The following FAF1 variants were observed in gnomAD, a reference collection of about 807,000 sequenced individuals.
The protein encoded by FAF1 is Fas associated factor 1.
A neutral mutation model predicts 92.5 loss-of-function variants in FAF1; 25 were observed. That is an observed-to-expected ratio of 0.27 (90% CI 0.20 to 0.38). The LOEUF is 0.38. FAF1 is among the 10% of genes least tolerant of loss of function. The pLI, the probability that FAF1 is intolerant of heterozygous loss-of-function variation, is 1.00. For missense variants in FAF1, 636 were observed against 793.3 expected (o/e 0.80, Z 2.38); for synonymous variants, 234 against 273.2 (o/e 0.86, Z 1.42).
At chr1:50,907,339 C>A (rs1040382366) in intron 1 of FAF1, among the ~76,000 whole-genome samples, 1 of 152,154 alleles carries the variant, frequency 6.6e-6, no homozygotes, top group Non-Finnish European at 1.5e-5. Flanking sequence ...GTCTAAAATT[C>A]TCTTTTTTGG....
intron 15 of FAF1, among the ~76,000 whole-genome samples, chr1:50,514,304 A>G (rs1175821888): frequency 6.6e-6 from 1 of 152,214 alleles, no homozygotes; most frequent in East Asian, 1.9e-4. Context: ...AGATTTTTAA[A>G]AAATGAACAC....
At chr1:50,574,896 C>CTGT (rs1558000811) in intron 12 of FAF1, among the ~76,000 whole-genome samples, 13 of 122,912 alleles carry the variant, frequency 1.1e-4, no homozygotes, top group African/African-American at 3.9e-4. Context: ...GTTGTATTAA[C>CTGT]TCTTTTTTTT....
chr1:50,647,140 T>C (rs755894459), intron 8 of FAF1, among the ~76,000 whole-genome samples: 12 of 152,136 alleles, frequency 7.9e-5, no homozygotes, highest in Non-Finnish European at 1.5e-4. Flanking sequence ...TGAGCCACCA[T>C]GCCCAGCCTA....
At chr1:50,885,876 C>A (rs1021496622) in intron 1 of FAF1, among the ~76,000 whole-genome samples, 1 of 151,794 alleles carries the variant, frequency 6.6e-6, no homozygotes, top group African/African-American at 2.4e-5. Flanking sequence ...TGGAGGTTAC[C>A]ACGAGGCTTC....
intron 1 of FAF1, among the ~76,000 whole-genome samples, chr1:50,923,582 G>C (rs984095279): frequency 1.3e-5 from 2 of 151,770 alleles, no homozygotes; most frequent in African/African-American, 4.8e-5. Flanking sequence ...CCTTCTATGA[G>C]ACAGCATTAC....
At chr1:50,628,200 AG>A (rs1392877247) in intron 8 of FAF1, among the ~76,000 whole-genome samples, 2 of 152,228 alleles carry the variant, frequency 1.3e-5, no homozygotes, top group Non-Finnish European at 2.9e-5. Context: ...ATGAGATCAA[AG>A]AAAAAATATA....
intron 15 of FAF1, among the ~76,000 whole-genome samples, chr1:50,534,838 A>C (rs1648387386): frequency 6.6e-6 from 1 of 152,178 alleles, no homozygotes; most frequent in Non-Finnish European, 1.5e-5. Flanking sequence ...TTCTATGTTC[A>C]TGTTATCTAT....
chr1:50,457,724 C>CAAA lies in FAF1; in HGVS notation c.1870-16204_1870-16202dup, dbSNP rs35479561. Among the ~76,000 whole-genome samples the CAAA allele has an allele frequency of 8.1e-3, 458 of 56,298 alleles. 17 individuals are homozygous for CAAA. The highest frequency in any genetic ancestry group is 0.03 in the African/African-American group (312 of 10,408). 36.9% of individuals were successfully genotyped at this position (56,298 alleles called of 152,430 possible). The stretch of plus-strand genomic sequence containing the variant: ...GCAATTCGGTGAAACCCCATCTCTG[C>CAAA]AAAAAAAAAAAAAAAAAAAAAATAC... On this transcript the variant is annotated intron_variant, in intron 18 of 18. Coordinates refer to ENST00000396153, the MANE Select transcript of FAF1 (RefSeq NM_007051.3).
intron 15 of FAF1, among the ~76,000 whole-genome samples, chr1:50,511,330 T>C (rs1647131163): frequency 6.6e-6 from 1 of 152,220 alleles, no homozygotes; most frequent in African/African-American, 2.4e-5. Flanking sequence ...CATGCCATTG[T>C]GGGTTGCTGC....
At chr1:50,496,524 C>T (rs1360317077) in intron 15 of FAF1, among the ~76,000 whole-genome samples, 1 of 152,096 alleles carries the variant, frequency 6.6e-6, no homozygotes, top group Admixed American at 6.5e-5. Flanking sequence ...GTAGGTTATC[C>T]ATCTTGATAA....
At chr1:50,796,905 G>A (rs556749537) in intron 3 of FAF1, among the ~76,000 whole-genome samples, 31 of 152,266 alleles carry the variant, frequency 2.0e-4, no homozygotes, top group African/African-American at 7.0e-4. Context: ...CGAGGCAGGA[G>A]GATCACTTGT....
chr1:50,941,190 G>A lies in FAF1; in HGVS notation c.45+18577C>T, dbSNP rs184095016. ...GGGACTTACAGGTGCGCGCTGCCAC[G>A]CTCAACTTTTTGTTTTGTTTTGTTT... On this transcript the variant is annotated intron_variant, in intron 1 of 18. Transcript: ENST00000396153. 8.6e-5 allele frequency among the ~76,000 whole-genome samples: 13 copies of A among 151,836 alleles called. No homozygotes were observed. The South Asian group carries it at 2.1e-3, about 24-fold the overall frequency.
chr1:50,529,857 A>C (rs1461717680), intron 15 of FAF1, among the ~76,000 whole-genome samples: 1 of 152,204 alleles, frequency 6.6e-6, no homozygotes, highest in Non-Finnish European at 1.5e-5. Context: ...AAGCTCAATA[A>C]ATATTTATGA....
intron 13 of FAF1, among the ~76,000 whole-genome samples, chr1:50,562,617 A>C (rs1033676439): frequency 6.6e-6 from 1 of 152,238 alleles, no homozygotes; most frequent in Non-Finnish European, 1.5e-5. Flanking sequence ...CCTTGGGTAC[A>C]GCAACTCTGT....
At chr1:50,957,080 C>T (rs771398233) in intron 1 of FAF1, among the ~76,000 whole-genome samples, 1 of 152,114 alleles carries the variant, frequency 6.6e-6, no homozygotes, top group African/African-American at 2.4e-5. Context: ...TTTACTAAGA[C>T]GATCATTTGT....
intron 18 of FAF1, among the ~76,000 whole-genome samples, chr1:50,458,643 G>A (rs896043236): frequency 2.0e-5 from 3 of 152,128 alleles, no homozygotes; most frequent in African/African-American, 7.2e-5. Context: ...CTGGTCAGAC[G>A]CATACAATGA....
chr1:50,921,859 G>T (rs1362331283), intron 1 of FAF1, among the ~76,000 whole-genome samples: 1 of 151,968 alleles, frequency 6.6e-6, no homozygotes, highest in African/African-American at 2.4e-5. Context: ...GGACTCAAAT[G>T]TAACCACTAC....
chr1:50,960,140 C>A lies in FAF1; in HGVS notation c.-329G>T. The A allele has an allele frequency of 2.8e-6, 1 of 361,132 alleles. No individual in the cohort carries two copies. The highest frequency in any genetic ancestry group is 5.0e-6 in the Non-Finnish European group (1 of 201,144). The allele number at this position is 361,132 out of a possible 1,614,324, so 22.4% of individuals were successfully genotyped here. On this transcript the variant is annotated 5_prime_UTR_variant, in exon 1 of 19. Transcript: ENST00000396153. ...TGAGGGCAGGTTGCGACAGCGCGCACCCGGATACCTTCAGCGGCGTTAAGC... is the reference window on the plus strand; with the variant it reads ...TGAGGGCAGGTTGCGACAGCGCGCAACCGGATACCTTCAGCGGCGTTAAGC...
intron 15 of FAF1, among the ~76,000 whole-genome samples, chr1:50,527,836 TCTCTCTCCCTCTCTCCCTCTCTCC>T (rs1179095436): frequency 2.2e-4 from 19 of 87,422 alleles, no homozygotes; most frequent in African/African-American, 1.2e-3. Context: ...TCTCTCTCTC[TCTCTCTCCCTCTCTCCCTCTCTCC>T]CTCTCTCCCT....
Sources: allele counts gnomAD v4.1 joint callset (sites outside exome capture counted in the v4.1 genomes callset), GRCh38; gene constraint gnomAD v4.1.1; transcripts MANE v1.5; gene names NCBI Gene and HGNC (gene_info 2026-07-23, HGNC 2026-07-21).